The following IKBKB variants were observed in gnomAD, a reference collection of about 807,000 sequenced individuals.
The protein encoded by IKBKB is inhibitor of nuclear factor kappa-B kinase subunit beta.
IKBKB carries 42 observed loss-of-function variants against 113.6 expected under a neutral mutation model. The observed-to-expected ratio is 0.37, with a 90% CI of 0.29 to 0.48. The LOEUF is 0.48. IKBKB is among the 20% of genes least tolerant of loss of function. IKBKB has a pLI of 0.99. For synonymous variants in IKBKB, 296 were observed against 361.3 expected, an observed-to-expected ratio of 0.82 and a Z score of 2.05; for missense variants, 673 against 939.7, an observed-to-expected ratio of 0.72 and a Z score of 3.71.
At chr8:42,308,758 G>A in intron 7 of IKBKB, 143 bp from the exon 8 acceptor site, 1 of 705,200 alleles carries the variant, frequency 1.4e-6, no homozygotes, top group Non-Finnish European at 2.4e-6. Flanking sequence ...AAACATGCCT[G>A]GGGTGCCCTC....
chr8:42,271,997 A>G, intron 1 of IKBKB, 86 bp from the exon 2 acceptor site: 1 of 1,270,968 alleles, frequency 7.9e-7, no homozygotes, highest in Non-Finnish European at 1.1e-6. Flanking sequence ...ATTCAAGAGC[A>G]GTGGTATCTC....
intron 2 of IKBKB, among the ~76,000 whole-genome samples, chr8:42,277,720 C>T (rs547183650): frequency 6.6e-6 from 1 of 152,212 alleles, no homozygotes; most frequent in Non-Finnish European, 1.5e-5. Context: ...GCAACTGGTT[C>T]TCCCGGTGAG....
At chr8:42,272,453 A>G in intron 2 of IKBKB, 1 of 595,436 alleles carries the variant, frequency 1.7e-6, no homozygotes, top group Non-Finnish European at 3.0e-6. Flanking sequence ...TCTCTATTAT[A>G]TATATATGGT....
chr8:42,287,830 C>T (rs1212360511), intron 2 of IKBKB, among the ~76,000 whole-genome samples: 1 of 152,140 alleles, frequency 6.6e-6, no homozygotes, highest in Non-Finnish European at 1.5e-5. Flanking sequence ...CTTGCGTTCT[C>T]TCTGAAAGGA....
At chr8:42,327,273 C>T (rs986847738) in intron 20 of IKBKB, among the ~76,000 whole-genome samples, 12 of 150,400 alleles carry the variant, frequency 8.0e-5, no homozygotes, top group African/African-American at 2.7e-4. Flanking sequence ...GCAGGAGGTT[C>T]GCAGGAGTTC....
chr8:42,308,783 A>AT lies in IKBKB; in HGVS notation c.568-117dup, dbSNP rs1484224799. ...GGGGTGCCCTCCTCGCCCTGCATGC[A>AT]TGTGCCAGTGCCCTCTAGGATGAAG... On this transcript the variant is annotated intron_variant, in intron 7 of 21. Coordinates refer to ENST00000520810, the MANE Select transcript of IKBKB (RefSeq NM_001556.3). 8.7e-6 allele frequency: 8 copies of AT among 916,610 alleles called. No homozygotes were observed. In the African/African-American group the frequency reaches 1.3e-4, roughly 15 times the overall value. The allele number at this position is 916,610 out of a possible 1,614,324, so 56.8% of individuals were successfully genotyped here. A position where few individuals can be genotyped will look rare whatever the true frequency, so the allele number is the denominator to read the frequency against.
chr8:42,271,567 T>C, intron 1 of IKBKB, 98 bp downstream of exon 1: 1 of 561,466 alleles, frequency 1.8e-6, no homozygotes, highest in Non-Finnish European at 3.1e-6. Context: ...CGCTGGGAAG[T>C]CGCAGCTTGC....
chr8:42,314,255 G>A, intron 8 of IKBKB, 67 bp from the exon 9 acceptor site: 6 of 1,139,246 alleles, frequency 5.3e-6, no homozygotes, highest in Non-Finnish European at 6.7e-6. Context: ...ACCTAATGAC[G>A]AATTTCTTAG....
Position 42,316,149 on chromosome 8 carries a change from G to A in IKBKB, c.801-61G>A, listed in dbSNP as rs1021577183. On this transcript the variant is annotated intron_variant, in intron 9 of 21. Transcript: ENST00000520810. This position sits in a 1 kb window ranked among gnomAD's most constrained non-coding sequence, Gnocchi z 4.5. ...GCCGTCTGTGTGTATACTGGGAGAC[G>A]CACACTGTAGCCCAACATTGGCTGG... 1.3e-5 allele frequency: 21 copies of A among 1,582,880 alleles called. No individual in the cohort carries two copies. The highest frequency in any genetic ancestry group is 8.1e-5 in the African/African-American group (6 of 74,290).
intron 2 of IKBKB, among the ~76,000 whole-genome samples, chr8:42,280,810 C>T (rs1810233042): frequency 6.6e-6 from 1 of 152,168 alleles, no homozygotes; most frequent in Non-Finnish European, 1.5e-5. Flanking sequence ...TTAACGATCC[C>T]TTCTATGAAG....
chr8:42,306,258 C>A, intron 6 of IKBKB, 85 bp from the exon 7 acceptor site: 1 of 834,060 alleles, frequency 1.2e-6, no homozygotes, highest in South Asian at 1.4e-5. Context: ...AGAAATACCT[C>A]TGCTCTAACA....
chr8:42,289,529 T>A lies in IKBKB; in HGVS notation c.201-627T>A, dbSNP rs189451190. 3.7e-3 allele frequency among the ~76,000 whole-genome samples: 566 copies of A among 152,314 alleles called. 6 individuals are homozygous for A. The highest frequency in any genetic ancestry group is 0.013 in the African/African-American group (525 of 41,570). On this transcript the variant is annotated intron_variant, in intron 3 of 21. Coordinates refer to ENST00000520810, the MANE Select transcript of IKBKB (RefSeq NM_001556.3). Reference sequence around the variant, plus strand: ...TCTAGTGTGGAGACGGGGCTGTCCATCTGCCTGGTGGCTGCTGACCCCCTA... The same window carrying A: ...TCTAGTGTGGAGACGGGGCTGTCCAACTGCCTGGTGGCTGCTGACCCCCTA...
intron 2 of IKBKB, among the ~76,000 whole-genome samples, chr8:42,276,884 T>G (rs1809228219): frequency 7.0e-6 from 1 of 143,276 alleles, no homozygotes; most frequent in Admixed American, 6.9e-5. Flanking sequence ...TTTTTTTTTT[T>G]GAGACGGGGT....
intron 5 of IKBKB, 92 bp from the exon 6 acceptor site, chr8:42,305,095 G>A: frequency 1.2e-6 from 1 of 827,426 alleles, no homozygotes; most frequent in Non-Finnish European, 2.1e-6. Flanking sequence ...TATGTTTCAG[G>A]GGCATGCGGC....
intron 8 of IKBKB, chr8:42,309,437 T>C: frequency 2.6e-6 from 1 of 380,224 alleles, no homozygotes; most frequent in Admixed American, 3.4e-5. Flanking sequence ...TACTACAACC[T>C]GAATATAAAT....
rs926777523 is a variant in IKBKB, at chr8:42,328,551, G to A, written c.2115-573G>A. Among the ~76,000 whole-genome samples, 13 of 152,106 alleles carry A rather than the reference G, an allele frequency of 8.5e-5. No individual in the cohort carries two copies. The South Asian group carries it at 1.2e-3, about 15-fold the overall frequency. On this transcript the variant is annotated intron_variant, in intron 20 of 21. Transcript: ENST00000520810. ...GACCTGGGTATATAGGATGTCTCTC[G>A]TCTCCCCACAGCATAGAGCTGAGGT...
At chr8:42,303,760 G>C (rs1815926938) in intron 5 of IKBKB, among the ~76,000 whole-genome samples, 1 of 152,180 alleles carries the variant, frequency 6.6e-6, no homozygotes, top group African/African-American at 2.4e-5. Flanking sequence ...GCCCACGTTG[G>C]CCTCCCAAAG....
chr8:42,276,906 G>A (rs1387944994), intron 2 of IKBKB, among the ~76,000 whole-genome samples: 2 of 125,354 alleles, frequency 1.6e-5, no homozygotes, highest in Non-Finnish European at 3.2e-5. Context: ...TCGCTCTGTC[G>A]CCCAAGCTGG....
At chr8:42,284,564 A>G (rs1187853727) in intron 2 of IKBKB, among the ~76,000 whole-genome samples, 1 of 151,684 alleles carries the variant, frequency 6.6e-6, no homozygotes, top group Non-Finnish European at 1.5e-5. Context: ...CCTGGGCAAC[A>G]AAGCGAGACT....
Sources: allele counts gnomAD v4.1 joint callset (sites outside exome capture counted in the v4.1 genomes callset), GRCh38; gene constraint gnomAD v4.1.1; non-coding constraint Gnocchi (gnomAD v3.1); transcripts MANE v1.5; gene names NCBI Gene and HGNC (gene_info 2026-07-23, HGNC 2026-07-21).